ALG14: variants seen among roughly 807,000 people sequenced by gnomAD.
ALG14 encodes the protein UDP-N-acetylglucosamine transferase subunit ALG14.
A neutral mutation model predicts 22.8 loss-of-function variants in ALG14; 17 were observed. The ratio of observed to expected loss-of-function variants is 0.75; its 90% CI spans 0.51 to 1.12. ALG14 has a LOEUF of 1.12. Ranked by LOEUF, ALG14 falls within the 50% of genes most tolerant of loss-of-function variation. The probability of loss-of-function intolerance (pLI) is 0.00; values close to 1 mark genes in which losing one functional copy is unlikely to be tolerated. For synonymous variants in ALG14, 89 were observed against 103.7 expected (o/e 0.86, Z 0.86); for missense variants, 288 against 271.8 (o/e 1.06, Z -0.42).
intron 3 of ALG14, among the ~76,000 whole-genome samples, chr1:94,998,565 T>C (rs937111465): frequency 1.3e-5 from 2 of 152,238 alleles, no homozygotes; most frequent in Non-Finnish European, 2.9e-5. Flanking sequence ...TATATGACTT[T>C]ATTAAAAAAT....
intron 2 of ALG14, among the ~76,000 whole-genome samples, chr1:95,033,670 G>A (rs1436037194): frequency 2.0e-5 from 3 of 151,926 alleles, no homozygotes; most frequent in Admixed American, 6.6e-5. Context: ...GCCAGGGACC[G>A]AAAGGAGAGA....
intron 3 of ALG14, among the ~76,000 whole-genome samples, chr1:94,984,994 G>A (rs1196079398): frequency 6.6e-6 from 1 of 151,726 alleles, no homozygotes; most frequent in East Asian, 1.9e-4. Context: ...TAGTATATGT[G>A]CTGCCAAAGT....
At chr1:95,069,246 T>C (rs561295830) in intron 1 of ALG14, among the ~76,000 whole-genome samples, 1 of 152,302 alleles carries the variant, frequency 6.6e-6, no homozygotes, top group African/African-American at 2.4e-5. Context: ...CGGGAGGCTG[T>C]CTCAGAATCG....
intron 2 of ALG14, among the ~76,000 whole-genome samples, chr1:95,027,996 T>C (rs924031657): frequency 6.6e-6 from 1 of 152,210 alleles, no homozygotes; most frequent in Non-Finnish European, 1.5e-5. Context: ...TATGGAGATA[T>C]ATTAACAAAT....
intron 1 of ALG14, among the ~76,000 whole-genome samples, chr1:95,069,952 T>C (rs927586042): frequency 6.6e-6 from 1 of 152,172 alleles, no homozygotes; most frequent in African/African-American, 2.4e-5. Flanking sequence ...ACACCTTTAA[T>C]CCCAGCGCTT....
At chr1:95,057,501 T>G (rs1017989815) in intron 2 of ALG14, among the ~76,000 whole-genome samples, 3 of 151,640 alleles carry the variant, frequency 2.0e-5, no homozygotes, top group African/African-American at 7.3e-5. Flanking sequence ...AATGTGCAAA[T>G]ACTACGTCAT....
intron 2 of ALG14, among the ~76,000 whole-genome samples, chr1:95,064,477 G>A (rs1449023612): frequency 1.3e-5 from 2 of 152,190 alleles, no homozygotes; most frequent in African/African-American, 4.8e-5. Flanking sequence ...ATTATTGACA[G>A]TTTTTAACAC....
At chr1:95,052,684 CCT>C (rs1221605016) in intron 2 of ALG14, among the ~76,000 whole-genome samples, 1 of 151,674 alleles carries the variant, frequency 6.6e-6, no homozygotes, top group Non-Finnish European at 1.5e-5. Flanking sequence ...ATGTTGAGAC[CCT>C]GTCTCTACTA....
chr1:94,988,013 G>C (rs1281979392), intron 3 of ALG14, among the ~76,000 whole-genome samples: 2 of 152,220 alleles, frequency 1.3e-5, no homozygotes, highest in Non-Finnish European at 2.9e-5. Flanking sequence ...TAGGAACACA[G>C]CTGCAGGGAA....
rs558002059 is a variant in ALG14, at chr1:95,038,911, G to A, written c.289-11651C>T. On this transcript the variant is annotated intron_variant, in intron 2 of 3. Transcript: ENST00000370205. ...TTTTAAAAAAACTTTTTCTAAAGAC[G>A]GGGTCTTCCTATGTTGCCCAGGCTG... 2.0e-4 allele frequency among the ~76,000 whole-genome samples: 30 copies of A among 151,966 alleles called. No homozygotes were observed. The South Asian group carries it at 4.6e-3, about 23-fold the overall frequency.
intron 2 of ALG14, among the ~76,000 whole-genome samples, chr1:95,038,474 T>C (rs1235566597): frequency 6.6e-6 from 1 of 150,546 alleles, no homozygotes; most frequent in African/African-American, 2.5e-5. Flanking sequence ...GGTGACAGAG[T>C]GAGACTCCAT....
chr1:94,994,261 G>C (rs1389786846), intron 3 of ALG14, among the ~76,000 whole-genome samples: 1 of 152,006 alleles, frequency 6.6e-6, no homozygotes, highest in East Asian at 1.9e-4. Context: ...TGTTTTCATT[G>C]TGTTTTCAAC....
At chr1:94,997,203 A>G (rs1672931460) in intron 3 of ALG14, among the ~76,000 whole-genome samples, 2 of 152,176 alleles carry the variant, frequency 1.3e-5, no homozygotes, top group Admixed American at 6.5e-5. Flanking sequence ...GGTGCTTCAC[A>G]TTACAACCTG....
At chr1:95,064,405 T>C (rs1675279056) in intron 2 of ALG14, among the ~76,000 whole-genome samples, 1 of 152,206 alleles carries the variant, frequency 6.6e-6, no homozygotes, top group African/African-American at 2.4e-5. Context: ...CAGTATGATA[T>C]TGGCTCTGGG....
intron 2 of ALG14, among the ~76,000 whole-genome samples, chr1:95,046,300 T>C (rs1571649294): frequency 6.6e-6 from 1 of 152,100 alleles, no homozygotes. Context: ...AGCAGGTGAG[T>C]GGCAGGTGAG....
chr1:95,024,741 C>T lies in ALG14; in HGVS notation c.420+2388G>A, dbSNP rs531710910. On this transcript the variant is annotated intron_variant, in intron 3 of 3. Transcript: ENST00000370205. ...ATAAATCCTATCACAGAATAGGGTCCTAGTCAAGTTTCATCATGAGATTTT... is the reference window on the plus strand; with the variant it reads ...ATAAATCCTATCACAGAATAGGGTCTTAGTCAAGTTTCATCATGAGATTTT... Among the ~76,000 whole-genome samples, 6 of 152,260 alleles carry T rather than the reference C, an allele frequency of 3.9e-5. No individual in the cohort carries two copies. In the East Asian group the frequency reaches 1.2e-3, roughly 29 times the overall value.
chr1:95,029,432 T>C (rs1241154989), intron 2 of ALG14, among the ~76,000 whole-genome samples: 1 of 152,176 alleles, frequency 6.6e-6, no homozygotes, highest in Non-Finnish European at 1.5e-5. Flanking sequence ...GTTACACAGA[T>C]CAACCCTATT....
chr1:95,027,395 G>A, intron 2 of ALG14, 135 bp from the exon 3 acceptor site: 2 of 1,053,084 alleles, frequency 1.9e-6, no homozygotes, highest in South Asian at 3.2e-5. Context: ...TTAAATTAGA[G>A]TTGTAATGCC....
At chr1:95,072,603 A>G (rs1675602286) in intron 1 of ALG14, among the ~76,000 whole-genome samples, 160 bp downstream of exon 1, 1 of 152,108 alleles carries the variant, frequency 6.6e-6, no homozygotes, top group Non-Finnish European at 1.5e-5. Context: ...ACCAGCCCCT[A>G]CCCTGGCTGG....
Sources: allele counts gnomAD v4.1 joint callset (sites outside exome capture counted in the v4.1 genomes callset), GRCh38; gene constraint gnomAD v4.1.1; transcripts MANE v1.5; gene names NCBI Gene and HGNC (gene_info 2026-07-23, HGNC 2026-07-21).